The following RGS21 variants were observed in gnomAD, a reference collection of about 807,000 sequenced individuals.
The protein encoded by RGS21 is regulator of G protein signaling 21, also known as regulator of G-protein signalling 21.
Under a neutral mutation model 18.7 loss-of-function variants are expected in RGS21, and 19 were observed. The ratio of observed to expected loss-of-function variants is 1.01; its 90% confidence interval spans 0.71 to 1.49. The LOEUF (loss-of-function observed/expected upper bound fraction) is 1.49. RGS21 is among the 40% of genes most tolerant of loss of function. The pLI is 0.00. For missense variants in RGS21, 194 were observed against 176.8 expected (o/e 1.10, Z -0.55); for synonymous variants, 56 against 57.8 (o/e 0.97, Z 0.14).
chr1:192,363,028 G>A (rs1465394240), intron 4 of RGS21, among the ~76,000 whole-genome samples: 1 of 152,104 alleles, frequency 6.6e-6, no homozygotes, highest in East Asian at 1.9e-4. Flanking sequence ...AAAGACTTGT[G>A]AAAGACTTAG....
At chr1:192,350,574 T>C (rs77291112) in intron 3 of RGS21, among the ~76,000 whole-genome samples, 2 of 152,120 alleles carry the variant, frequency 1.3e-5, no homozygotes, top group Non-Finnish European at 1.5e-5. Context: ...CCCTGGCAGG[T>C]GGAGGAGAAA....
intron 1 of RGS21, among the ~76,000 whole-genome samples, chr1:192,340,087 A>G (rs79706164): frequency 2.6e-5 from 4 of 152,080 alleles, no homozygotes; most frequent in Non-Finnish European, 5.9e-5. Flanking sequence ...GACCAATTTT[A>G]TACTGTCTGA....
At chr1:192,359,237 T>A (rs1373113007) in intron 4 of RGS21, among the ~76,000 whole-genome samples, 2 of 152,164 alleles carry the variant, frequency 1.3e-5, no homozygotes, top group African/African-American at 4.8e-5. Context: ...TACAAGTAGC[T>A]ATTTATGTCA....
At chr1:192,345,042 TC>T (rs1196871021) in intron 2 of RGS21, among the ~76,000 whole-genome samples, 6 of 152,120 alleles carry the variant, frequency 3.9e-5, no homozygotes, top group African/African-American at 1.4e-4. Flanking sequence ...CTACACCATC[TC>T]CCACACTTTG....
At chr1:192,346,846 T>C (rs1250297615) in intron 2 of RGS21, among the ~76,000 whole-genome samples, 1 of 152,126 alleles carries the variant, frequency 6.6e-6, no homozygotes, top group Non-Finnish European at 1.5e-5. Context: ...GTTCATCACA[T>C]GCTAGAAATT....
At chr1:192,359,405 G>A (rs1659152928) in intron 4 of RGS21, among the ~76,000 whole-genome samples, 1 of 151,896 alleles carries the variant, frequency 6.6e-6, no homozygotes, top group Admixed American at 6.6e-5. Context: ...TGGCAAGTAT[G>A]AGTTTCTAGA....
intron 4 of RGS21, among the ~76,000 whole-genome samples, chr1:192,361,189 C>T (rs981880089): frequency 7.2e-5 from 11 of 152,010 alleles, no homozygotes; most frequent in Non-Finnish European, 1.5e-4. Context: ...ATATTATTTA[C>T]AGTTAAAATA....
intron 3 of RGS21, among the ~76,000 whole-genome samples, chr1:192,348,022 A>ATATGTTT (rs1444699447): frequency 1.2e-4 from 17 of 141,132 alleles, no homozygotes; most frequent in African/African-American, 4.2e-4. Flanking sequence ...ATATATATGT[A>ATATGTTT]TTTTTTTTTT....
chr1:192,325,829 TA>T (rs1158953358), intron 1 of RGS21, among the ~76,000 whole-genome samples: 1 of 152,092 alleles, frequency 6.6e-6, no homozygotes, highest in African/African-American at 2.4e-5. Context: ...AAGTTCCTTA[TA>T]GATTCTGGGC....
At chr1:192,361,163 G>A (rs2102238468) in intron 4 of RGS21, among the ~76,000 whole-genome samples, 1 of 152,112 alleles carries the variant, frequency 6.6e-6, no homozygotes, top group African/African-American at 2.4e-5. Flanking sequence ...CAGTACTAAT[G>A]TTTAATTAAA....
At chr1:192,336,307 T>G (rs1179117758) in intron 1 of RGS21, among the ~76,000 whole-genome samples, 1 of 152,014 alleles carries the variant, frequency 6.6e-6, no homozygotes, top group Non-Finnish European at 1.5e-5. Context: ...ATACAAAAAT[T>G]AGCTGAGCAC....
chr1:192,358,444 A>C (rs541423142), intron 4 of RGS21, among the ~76,000 whole-genome samples: 1 of 152,178 alleles, frequency 6.6e-6, no homozygotes, highest in East Asian at 1.9e-4. Context: ...GCCAAAATGA[A>C]GTAATACTTG....
intron 1 of RGS21, among the ~76,000 whole-genome samples, chr1:192,321,222 C>T (rs1459006289): frequency 6.6e-6 from 1 of 151,800 alleles, no homozygotes; most frequent in Non-Finnish European, 1.5e-5. Context: ...TTCTAGTAAG[C>T]ACTTCTTTAG....
intron 1 of RGS21, among the ~76,000 whole-genome samples, chr1:192,339,367 A>G (rs1658818299): frequency 6.6e-6 from 1 of 152,094 alleles, no homozygotes; most frequent in South Asian, 2.1e-4. Flanking sequence ...GTAGTTTCTT[A>G]GGTTAATAGT....
chr1:192,320,119 C>A (rs759204618), intron 1 of RGS21, among the ~76,000 whole-genome samples: 2 of 151,990 alleles, frequency 1.3e-5, no homozygotes, highest in African/African-American at 2.4e-5. Context: ...GGTAACAACA[C>A]ACACTGGGGC....
intron 4 of RGS21, among the ~76,000 whole-genome samples, chr1:192,360,079 A>T (rs1449789532): frequency 6.6e-6 from 1 of 151,788 alleles, no homozygotes; most frequent in African/African-American, 2.4e-5. Context: ...ATGAGAAGAG[A>T]CACTCCTCAT....
At chr1:192,358,873 T>G (rs986756780) in intron 4 of RGS21, among the ~76,000 whole-genome samples, 90 of 152,190 alleles carry the variant, frequency 5.9e-4, no homozygotes, top group African/African-American at 2.0e-3. Context: ...TTAACAAAAA[T>G]CACATGCATA....
intron 1 of RGS21, among the ~76,000 whole-genome samples, chr1:192,320,796 T>A (rs905081469): frequency 1.3e-5 from 2 of 152,030 alleles, no homozygotes; most frequent in African/African-American, 4.8e-5. Flanking sequence ...GCTAACTGAC[T>A]AAAAATATTT....
chr1:192,360,446 T>G (rs1368099299), intron 4 of RGS21, among the ~76,000 whole-genome samples: 1 of 152,146 alleles, frequency 6.6e-6, no homozygotes, highest in Non-Finnish European at 1.5e-5. Context: ...TTCTACTTTC[T>G]GAATAGCTTT....
Sources: gnomAD v4.1 joint callset for allele counts (sites outside exome capture counted in the v4.1 genomes callset) on GRCh38, gnomAD v4.1.1 for gene constraint, MANE v1.5 for transcripts, NCBI Gene and HGNC (gene_info 2026-07-23, HGNC 2026-07-21) for gene names.